The following MAGED1 variants were observed in gnomAD, a reference collection of about 807,000 sequenced individuals.
MAGED1 encodes the protein melanoma-associated antigen D1.
A neutral mutation model predicts 54.1 loss-of-function variants in MAGED1; 3 were observed. The ratio of observed to expected loss-of-function variants is 0.06; its 90% CI spans 0.03 to 0.14. The LOEUF (loss-of-function observed/expected upper bound fraction) is 0.14, where lower values mean the gene tolerates loss of function less well. Among genes scored for constraint, MAGED1 ranks in the 10% least tolerant of loss-of-function variants. MAGED1 has a pLI of 1.00. For missense variants in MAGED1, 485 were observed against 623.4 expected (o/e 0.78, Z 2.36); for synonymous variants, 217 against 227.3 (o/e 0.95, Z 0.41).
In MAGED1 at chrX:51,895,598, C is replaced by T. The variant is rs782323962; in HGVS notation, c.591C>T (p.Thr197=). The T allele has an allele frequency of 2.5e-6, 3 of 1,211,721 alleles. No homozygotes were observed. In the South Asian group the frequency reaches 5.3e-5, roughly 21 times the overall value. The change falls in exon 3 of 13, where the codon ACC becomes ACT. Residue 197 remains threonine (T), a synonymous_variant. Coordinates refer to ENST00000326587, the MANE Select transcript of MAGED1 (RefSeq NM_006986.4). ...TTKAPTADTQ[T]QNVNQAKMAT... ...AGGCCCCAACAGCTGATACCCAGACCCAGAATGTAAATCAGGCCAAAATGG... is the reference window on the plus strand; with the variant it reads ...AGGCCCCAACAGCTGATACCCAGACTCAGAATGTAAATCAGGCCAAAATGG...
Position 51,896,527 on chromosome X carries a change from C to T in MAGED1, c.872C>T (p.Pro291Leu), listed in dbSNP as rs1928756070. 7.4e-6 allele frequency: 9 copies of T among 1,210,122 alleles called. No individual in the cohort carries two copies. The highest frequency in any genetic ancestry group is 1.0e-5 in the Non-Finnish European group (9 of 895,170). ...PVTTQNPPGA[P>L]PNVLWQTPLA... is the part of the protein sequence containing the mutation. ...ACCACTCAGAACCCACCTGGCGCAC[C>T]CCCCAATGTGCTCTGGCAGACGCCA... The change falls in exon 4 of 13, where the codon CCC becomes CTC. Residue 291 changes from proline (P) to leucine (L), a missense_variant. Transcript: ENST00000326587.
At chrX:51,858,094 G>A (rs1203859337) in intron 1 of MAGED1, 3 of 112,251 alleles carry the variant, frequency 2.7e-5, no homozygotes, top group African/African-American at 9.7e-5. Context: ...ATAATTACAC[G>A]CCTGCCAGTG....
Position 51,895,346 on chromosome X carries a change from G to A in MAGED1, c.339G>A (p.Lys113=). The change falls in exon 3 of 13, where the codon AAG becomes AAA. Residue 113 remains lysine, a synonymous_variant. Transcript: ENST00000326587. ...ACACGCAGCCCAAGGCAGCCTTTAA[G>A]TCCCAAAATGCTACCCCAAAGGGTC... ...VPNTQPKAAF[K]SQNATPKGPN... is the part of the protein sequence containing the mutation. 3 of 1,209,909 alleles carry A rather than the reference G, an allele frequency of 2.5e-6. No homozygotes were observed. Among genetic ancestry groups the A allele is most frequent in the Non-Finnish European group, 3.4e-6 (3 of 894,581 alleles).
At position 51,895,146 on chromosome X, in the gene MAGED1, G is replaced by A. The variant is rs782184047; in HGVS notation, c.139G>A (p.Ala47Thr). Residue 47 changes from alanine to threonine, a missense_variant, in exon 3 of 13, where the codon GCA (alanine) becomes ACA (threonine). Transcript: ENST00000326587. ...SEAPPTNQAT[A>T]AASPQSSQPP... is the part of the protein sequence containing the mutation. ...GGCTCCACCTACTAACCAGGCCACC[G>A]CAGCTGCTAGTCCCCAGAGTTCACA... The A allele has an allele frequency of 4.1e-6, 5 of 1,210,186 alleles. No homozygotes were observed. Among genetic ancestry groups the A allele is most frequent in the African/African-American group, 1.7e-5 (1 of 57,292 alleles).
intron 1 of MAGED1, among the ~76,000 whole-genome samples, chrX:51,834,816 G>A (rs1926187412): frequency 9.0e-6 from 1 of 111,406 alleles, no homozygotes; most frequent in Non-Finnish European, 1.9e-5. Flanking sequence ...ATTGATCTTT[G>A]TATCTTTAAG....
Position 51,896,437 on chromosome X carries a change from G to A in MAGED1, c.782G>A (p.Ser261Asn), listed in dbSNP as rs1054652414. 2.5e-6 allele frequency: 3 copies of A among 1,208,917 alleles called. No homozygotes were observed. Among genetic ancestry groups the A allele is most frequent in the African/African-American group, 3.5e-5 (2 of 57,231 alleles). ...KINNLNVEEN[S>N]SGDQRRAPLA... is the part of the protein sequence containing the mutation. ...AATAACTTGAATGTTGAAGAGAACAGCAGTGGGGATCAGAGGCGGGCCCCA... is the reference window on the plus strand; with the variant it reads ...AATAACTTGAATGTTGAAGAGAACAACAGTGGGGATCAGAGGCGGGCCCCA... The change falls in exon 4 of 13, where the codon AGC becomes AAC. Residue 261 changes from serine to asparagine, a missense_variant. This residue lies in a region of MAGED1 where 299 missense variants were observed against 293.1 expected (regional missense o/e 1.02). Transcript: ENST00000326587.
At chrX:51,811,261 G>A (rs782211201) in intron 1 of MAGED1, among the ~76,000 whole-genome samples, 2 of 111,766 alleles carry the variant, frequency 1.8e-5, no homozygotes, top group East Asian at 2.8e-4. Context: ...GTGTCAACCC[G>A]TTTAATACCA....
At chrX:51,816,650 G>A (rs919403459) in intron 1 of MAGED1, among the ~76,000 whole-genome samples, 2 of 110,231 alleles carry the variant, frequency 1.8e-5, no homozygotes, top group African/African-American at 3.3e-5. Flanking sequence ...TGTGATATTC[G>A]CACAACAGTG....
intron 1 of MAGED1, among the ~76,000 whole-genome samples, chrX:51,854,029 G>C (rs1457981017): frequency 4.5e-5 from 5 of 111,646 alleles, no homozygotes; most frequent in African/African-American, 1.6e-4. Context: ...TTTTGTTCCT[G>C]GGTTCTGGAA....
chrX:51,856,360 A>G (rs781789536), intron 1 of MAGED1, among the ~76,000 whole-genome samples: 6 of 112,257 alleles, frequency 5.3e-5, no homozygotes, highest in Non-Finnish European at 1.1e-4. Context: ...AGAAAATTGT[A>G]CTAATTTACA....
intron 1 of MAGED1, among the ~76,000 whole-genome samples, chrX:51,882,197 TTA>T (rs1928079901): frequency 8.9e-6 from 1 of 112,141 alleles, no homozygotes; most frequent in Non-Finnish European, 1.9e-5. Flanking sequence ...CTTATTTAGA[TTA>T]TTACTCAGTA....
chrX:51,865,765 C>G (rs1042538036), intron 1 of MAGED1, among the ~76,000 whole-genome samples: 4 of 111,837 alleles, frequency 3.6e-5, no homozygotes, highest in Admixed American at 1.9e-4. Flanking sequence ...ACCTAAATCT[C>G]ATGTTGAATT....
At chrX:51,836,821 G>A (rs782134409) in intron 1 of MAGED1, among the ~76,000 whole-genome samples, 114 of 110,905 alleles carry the variant, frequency 1.0e-3, no homozygotes, top group African/African-American at 3.4e-3. Context: ...TGATCCGCCC[G>A]CCTCGGCCTC....
At chrX:51,815,801 G>A (rs1925399711) in intron 1 of MAGED1, among the ~76,000 whole-genome samples, 1 of 111,476 alleles carries the variant, frequency 9.0e-6, no homozygotes, top group African/African-American at 3.3e-5. Context: ...GATTACAGAT[G>A]TGAGCCACTG....
At chrX:51,824,606 T>C (rs781909955) in intron 1 of MAGED1, among the ~76,000 whole-genome samples, 1 of 109,389 alleles carries the variant, frequency 9.1e-6, no homozygotes. Context: ...TTCAAATATC[T>C]TCTTCCTCTT....
At chrX:51,872,217 T>C (rs1366494950) in intron 1 of MAGED1, among the ~76,000 whole-genome samples, 1 of 112,065 alleles carries the variant, frequency 8.9e-6, no homozygotes, top group Non-Finnish European at 1.9e-5. Context: ...TTTCTCCCAT[T>C]CTGTAGGTTG....
chrX:51,901,780 A>G lies in MAGED1; in HGVS notation c.2187A>G (p.Arg729=), dbSNP rs782203760. The change falls in exon 12 of 13, where the codon AGA becomes AGG. Residue 729 remains arginine (R), a synonymous_variant. Coordinates refer to ENST00000326587, the MANE Select transcript of MAGED1 (RefSeq NM_006986.4). ...EEGDFGDPWS[R]IPFTFWARYH... Reference sequence around the variant, plus strand: ...GAGATTTTGGAGATCCCTGGTCCAGAATTCCATTTACCTTCTGGGCCAGAT... The same window carrying G: ...GAGATTTTGGAGATCCCTGGTCCAGGATTCCATTTACCTTCTGGGCCAGAT... 8.3e-7 allele frequency: 1 copy of G among 1,211,518 alleles called. No individual in the cohort carries two copies. The highest frequency in any genetic ancestry group is 3.0e-5 in the East Asian group (1 of 33,811).
chrX:51,807,389 T>C (rs781957078), intron 1 of MAGED1, among the ~76,000 whole-genome samples: 4 of 111,554 alleles, frequency 3.6e-5, no homozygotes, highest in African/African-American at 1.3e-4. Context: ...GCTTGTATCT[T>C]CAGTCTCTTC....
At chrX:51,847,867 A>G (rs1172629721) in intron 1 of MAGED1, among the ~76,000 whole-genome samples, 1 of 112,186 alleles carries the variant, frequency 8.9e-6, no homozygotes, top group Non-Finnish European at 1.9e-5. Context: ...CAATATTACA[A>G]TGCTGAAATG....
Sources: gnomAD v4.1 joint callset for allele counts (sites outside exome capture counted in the v4.1 genomes callset) on GRCh38, gnomAD v4.1.1 for gene constraint, gnomAD v4.1.1 regional missense constraint, MANE v1.5 for transcripts, NCBI Gene and HGNC (gene_info 2026-07-23, HGNC 2026-07-21) for gene names.